Variants in SND1 observed in about 807,000 individuals in gnomAD.
SND1 encodes staphylococcal nuclease domain-containing protein 1.
SND1 carries 38 observed loss-of-function variants against 121.7 expected under a neutral mutation model. That is an observed-to-expected ratio of 0.31 (90% confidence interval 0.24 to 0.41). The LOEUF (loss-of-function observed/expected upper bound fraction) is 0.41, where lower values mean the gene tolerates loss of function less well. SND1 is among the 10% of genes least tolerant of loss of function. SND1 has a pLI of 1.00. For synonymous variants in SND1, 401 were observed against 447.4 expected (o/e 0.90, Z 1.31); for missense variants, 868 against 1,184.6 (o/e 0.73, Z 3.92).
chr7:128,059,806 A>G (rs1445494569), intron 16 of SND1, among the ~76,000 whole-genome samples: 1 of 152,176 alleles, frequency 6.6e-6, no homozygotes, highest in East Asian at 1.9e-4. Context: ...CTGCTCAGAA[A>G]CAAAAGAGCC....
At position 128,085,896 on chromosome 7, in the gene SND1, G is replaced by A. The variant is rs1793679402; in HGVS notation, c.2304+116G>A. On this transcript the variant is annotated intron_variant, in intron 20 of 23. Transcript: ENST00000354725. This position sits in a 1 kb window ranked among gnomAD's most constrained non-coding sequence, Gnocchi z 4.4. ...CTTACCAATAGAACAATGAGCATTG[G>A]GGCATCTCTGCTGTGCGTGTAACAG... 2.2e-6 allele frequency: 2 copies of A among 894,436 alleles called. No individual in the cohort carries two copies. Among genetic ancestry groups the A allele is most frequent in the Non-Finnish European group, 3.6e-6 (2 of 555,614 alleles). The allele number at this position is 894,436 out of a possible 1,614,324, so 55.4% of individuals were successfully genotyped here.
At chr7:128,017,889 A>G (rs1295718216) in intron 16 of SND1, among the ~76,000 whole-genome samples, 1 of 152,230 alleles carries the variant, frequency 6.6e-6, no homozygotes. Context: ...GTCAAGTCCT[A>G]TAGGCACTGT....
intron 16 of SND1, chr7:128,030,306 C>T (rs1164190818): frequency 6.2e-7 from 1 of 1,613,970 alleles, no homozygotes; most frequent in Non-Finnish European, 8.5e-7. Context: ...CTCAATCTGC[C>T]GGATGGAGTT....
chr7:127,929,100 C>T, intron 14 of SND1, 88 bp from the exon 15 acceptor site: 1 of 1,373,770 alleles, frequency 7.3e-7, no homozygotes, highest in Non-Finnish European at 1.0e-6. Context: ...TGCTTAGCTT[C>T]CTGCCAAACT....
chr7:127,786,406 C>G (rs1283388397), intron 10 of SND1, among the ~76,000 whole-genome samples: 1 of 152,148 alleles, frequency 6.6e-6, no homozygotes, highest in African/African-American at 2.4e-5. Flanking sequence ...GGAACAATTT[C>G]TCTGCCCACT....
intron 10 of SND1, among the ~76,000 whole-genome samples, chr7:127,763,806 A>G (rs1483903606): frequency 6.6e-6 from 1 of 152,108 alleles, no homozygotes; most frequent in Non-Finnish European, 1.5e-5. Context: ...AGAAAAGCGT[A>G]GGGCCAGGCA....
intron 4 of SND1, among the ~76,000 whole-genome samples, chr7:127,700,428 C>G (rs1283183483): frequency 6.6e-6 from 1 of 152,134 alleles, no homozygotes; most frequent in Non-Finnish European, 1.5e-5. Context: ...AGAAGAGATT[C>G]AGTTTATGCA....
chr7:128,073,269 CTCTTTT>C (rs1451937875), intron 16 of SND1, among the ~76,000 whole-genome samples: 1 of 152,224 alleles, frequency 6.6e-6, no homozygotes, highest in Non-Finnish European at 1.5e-5. Context: ...TCTCCATTAT[CTCTTTT>C]TCGTTAATAA....
At chr7:127,702,230 T>C (rs1444550120) in intron 5 of SND1, among the ~76,000 whole-genome samples, 1 of 152,162 alleles carries the variant, frequency 6.6e-6, no homozygotes, top group East Asian at 1.9e-4. Context: ...GAGAAGCAGG[T>C]CTAATCTGCA....
Position 127,771,971 on chromosome 7 carries a change from T to G in SND1, c.1153-35513T>G, listed in dbSNP as rs907415315. 5.3e-5 allele frequency among the ~76,000 whole-genome samples: 8 copies of G among 152,284 alleles called. 1 individual carries two copies. In the South Asian group the frequency reaches 1.7e-3, roughly 32 times the overall value. On this transcript the variant is annotated intron_variant, in intron 10 of 23. Transcript: ENST00000354725. ...ACTGTTCATCACTGGTACTTTCCTA[T>G]CCATCAGATAATGTATGCAACACTT...
chr7:128,030,924 G>T, intron 16 of SND1: 1 of 336,956 alleles, frequency 3.0e-6, no homozygotes, highest in Admixed American at 4.4e-5. Context: ...TCGGAAGGAA[G>T]GCAGGAAAGC....
At chr7:127,712,416 C>G (rs1796313346) in intron 9 of SND1, among the ~76,000 whole-genome samples, 2 of 152,110 alleles carry the variant, frequency 1.3e-5, no homozygotes, top group Admixed American at 1.3e-4. Flanking sequence ...ACCTTGAGCT[C>G]CCAAAGTTGC....
chr7:127,706,320 G>A (rs528410448), intron 8 of SND1, among the ~76,000 whole-genome samples: 7 of 131,638 alleles, frequency 5.3e-5, no homozygotes, highest in South Asian at 2.3e-4. Flanking sequence ...GCAGTGGCAC[G>A]ATCTCCACTT....
intron 3 of SND1, among the ~76,000 whole-genome samples, chr7:127,696,757 G>A (rs1304352384): frequency 1.3e-5 from 2 of 152,070 alleles, no homozygotes; most frequent in Admixed American, 1.3e-4. Context: ...CTGTAGAGTT[G>A]TTTTTTAAAA....
intron 12 of SND1, among the ~76,000 whole-genome samples, chr7:127,871,005 C>CT (rs1799575011): frequency 6.6e-6 from 1 of 151,786 alleles, no homozygotes; most frequent in African/African-American, 2.4e-5. Context: ...ATTTATTTTA[C>CT]TTTTTAAAAC....
At chr7:127,881,532 A>C (rs1308930910) in intron 12 of SND1, among the ~76,000 whole-genome samples, 2 of 152,134 alleles carry the variant, frequency 1.3e-5, no homozygotes, top group Non-Finnish European at 2.9e-5. Flanking sequence ...AGAATGCATG[A>C]ATGAGTGAGA....
At chr7:128,048,793 G>A (rs1268593916) in intron 16 of SND1, among the ~76,000 whole-genome samples, 2 of 152,314 alleles carry the variant, frequency 1.3e-5, no homozygotes, top group South Asian at 4.2e-4. Flanking sequence ...GCTGCTGTAA[G>A]AGATCCTCAG....
intron 16 of SND1, among the ~76,000 whole-genome samples, chr7:128,010,152 T>C (rs189365710): frequency 2.0e-4 from 31 of 152,390 alleles, no homozygotes; most frequent in Admixed American, 2.0e-3. Flanking sequence ...TTTGGTCCTT[T>C]TGGCACCTGA....
chr7:127,845,574 G>A (rs1799044387), intron 12 of SND1, among the ~76,000 whole-genome samples: 1 of 152,178 alleles, frequency 6.6e-6, no homozygotes, highest in African/African-American at 2.4e-5. Flanking sequence ...ATAGTTATTT[G>A]TTACCAATTT....
Sources: allele counts gnomAD v4.1 joint callset (sites outside exome capture counted in the v4.1 genomes callset), GRCh38; gene constraint gnomAD v4.1.1; non-coding constraint Gnocchi (gnomAD v3.1); transcripts MANE v1.5; gene names NCBI Gene and HGNC (gene_info 2026-07-23, HGNC 2026-07-21).